KCNH7: variants seen among roughly 807,000 people sequenced by gnomAD.
KCNH7 encodes the protein voltage-gated inwardly rectifying potassium channel KCNH7.
Under a neutral mutation model 120.8 loss-of-function variants are expected in KCNH7, and 49 were observed. That is an observed-to-expected ratio of 0.41 (90% CI 0.32 to 0.51). The LOEUF (loss-of-function observed/expected upper bound fraction) is 0.51, where lower values mean the gene tolerates loss of function less well. Among genes scored for constraint, KCNH7 ranks in the 20% least tolerant of loss-of-function variants. The pLI, the probability that KCNH7 is intolerant of heterozygous loss-of-function variation, is 0.38. For synonymous variants in KCNH7, 547 were observed against 516.1 expected (o/e 1.06, Z -0.81); for missense variants, 1,097 against 1,446.6 (o/e 0.76, Z 3.92).
At chr2:162,715,340 C>T (rs1214624509) in intron 2 of KCNH7, among the ~76,000 whole-genome samples, 2 of 152,234 alleles carry the variant, frequency 1.3e-5, no homozygotes, top group South Asian at 2.1e-4. Flanking sequence ...CTCACTGTCA[C>T]GAAGACAGTA....
chr2:162,550,899 AT>A (rs1320314154), intron 2 of KCNH7, among the ~76,000 whole-genome samples: 5 of 150,976 alleles, frequency 3.3e-5, no homozygotes, highest in African/African-American at 1.2e-4. Context: ...AATAATAATA[AT>A]AATAATAATA....
intron 2 of KCNH7, among the ~76,000 whole-genome samples, chr2:162,566,629 G>T (rs1693266260): frequency 2.0e-5 from 3 of 152,022 alleles, no homozygotes. Context: ...ACCTAATAAA[G>T]ACCACATTTA....
intron 3 of KCNH7, among the ~76,000 whole-genome samples, chr2:162,520,276 A>T (rs1302870444): frequency 6.8e-6 from 1 of 146,252 alleles, no homozygotes; most frequent in Non-Finnish European, 1.5e-5. Context: ...CCAATATTCC[A>T]TTAATATCAA....
intron 12 of KCNH7, among the ~76,000 whole-genome samples, chr2:162,390,639 C>T (rs1170018111): frequency 6.6e-6 from 1 of 151,940 alleles, no homozygotes; most frequent in Non-Finnish European, 1.5e-5. Flanking sequence ...ATTCTTCCTA[C>T]AATAAACATT....
At chr2:162,791,813 C>T (rs1250057861) in intron 2 of KCNH7, among the ~76,000 whole-genome samples, 2 of 152,182 alleles carry the variant, frequency 1.3e-5, no homozygotes, top group East Asian at 1.9e-4. Flanking sequence ...ACTTCCAATG[C>T]TATGTTGAAT....
intron 5 of KCNH7, among the ~76,000 whole-genome samples, chr2:162,511,741 G>T (rs1429882010): frequency 6.6e-6 from 1 of 151,704 alleles, no homozygotes; most frequent in African/African-American, 2.4e-5. Flanking sequence ...ATACAAAATT[G>T]CACAGTGGTC....
chr2:162,565,981 C>T (rs1693236650), intron 2 of KCNH7, among the ~76,000 whole-genome samples: 1 of 151,958 alleles, frequency 6.6e-6, no homozygotes, highest in Non-Finnish European at 1.5e-5. Flanking sequence ...ACTTTGTATG[C>T]TAAATACTTA....
intron 14 of KCNH7, among the ~76,000 whole-genome samples, chr2:162,377,629 G>A (rs1284893608): frequency 6.6e-6 from 1 of 152,150 alleles, no homozygotes; most frequent in African/African-American, 2.4e-5. Flanking sequence ...TGGCTTCTGT[G>A]CAAGGTTGTG....
rs747298050 is a variant in KCNH7 at position 162,396,768 on chromosome 2, G to C, written c.2585C>G (p.Thr862Ser). 34 of 1,611,144 alleles carry C rather than the reference G, an allele frequency of 2.1e-5. No individual in the cohort carries two copies. Among genetic ancestry groups the C allele is most frequent in the Non-Finnish European group, 2.9e-5 (34 of 1,178,374 alleles). ...SDHFLTNLEL[T>S]FNLRHESAKA... ...TGCGCTCTCATGCCTTAGGTTGAAA[G>C]TCAACTCTAGGTTTGTTAGAAAGTG... The change falls in exon 11 of 16, where the codon ACT becomes AGT. Residue 862 changes from threonine (T) to serine (S), a missense_variant. Thr to Ser is a moderately conservative substitution (Grantham distance 58). This residue lies in a region of KCNH7 where 406 missense variants were observed against 410.5 expected (regional missense o/e 0.99). Transcript: ENST00000332142.
At chr2:162,574,496 G>C (rs1381408808) in intron 2 of KCNH7, among the ~76,000 whole-genome samples, 1 of 151,884 alleles carries the variant, frequency 6.6e-6, no homozygotes, top group Non-Finnish European at 1.5e-5. Flanking sequence ...TAATACAGTT[G>C]CATAAGTGCA....
chr2:162,423,967 A>G (rs779663744), intron 8 of KCNH7, among the ~76,000 whole-genome samples: 4 of 152,198 alleles, frequency 2.6e-5, no homozygotes, highest in Non-Finnish European at 4.4e-5. Flanking sequence ...ATTAGTTTTA[A>G]ATTGTGACTT....
chr2:162,737,504 T>C (rs1687957430), intron 2 of KCNH7, among the ~76,000 whole-genome samples: 1 of 152,074 alleles, frequency 6.6e-6, no homozygotes, highest in South Asian at 2.1e-4. Flanking sequence ...AGATAAAATA[T>C]AGAACTTTAG....
chr2:162,708,050 C>G (rs1391675824), intron 2 of KCNH7, among the ~76,000 whole-genome samples: 1 of 151,940 alleles, frequency 6.6e-6, no homozygotes, highest in Non-Finnish European at 1.5e-5. Flanking sequence ...CTCTTAATTT[C>G]CACAGTAAAA....
Position 162,663,515 on chromosome 2 carries a change from T to C in KCNH7, c.308-126435A>G, listed in dbSNP as rs75327677. Among the ~76,000 whole-genome samples the C allele has an allele frequency of 9.0e-3, 1,368 of 152,298 alleles. 36 individuals carry two copies. The East Asian group carries it at 0.11, about 13-fold the overall frequency. Reference sequence around the variant, plus strand: ...TCTGATTATCACTAAATTCTCCTTTTTCATGTAGTGCTGATTAGTTTGCTC... The same window carrying C: ...TCTGATTATCACTAAATTCTCCTTTCTCATGTAGTGCTGATTAGTTTGCTC... On this transcript the variant is annotated intron_variant, in intron 2 of 15. Transcript: ENST00000332142.
chr2:162,809,214 A>G (rs1684648453), intron 2 of KCNH7, among the ~76,000 whole-genome samples: 1 of 152,218 alleles, frequency 6.6e-6, no homozygotes, highest in Non-Finnish European at 1.5e-5. Context: ...CAGAAAGTTG[A>G]AGACAAAAAT....
Position 162,404,495 on chromosome 2 carries a change from G to A in KCNH7, c.2155-4054C>T, listed in dbSNP as rs538114150. 2.0e-4 allele frequency among the ~76,000 whole-genome samples: 30 copies of A among 151,954 alleles called. No individual in the cohort carries two copies. The South Asian group carries it at 5.6e-3, about 28-fold the overall frequency. ...CTGATGTGAGGTGTTTGGTCATGGGGGTTGATTCCCCATGGTTTGGTGCTG... is the reference window on the plus strand; with the variant it reads ...CTGATGTGAGGTGTTTGGTCATGGGAGTTGATTCCCCATGGTTTGGTGCTG... On this transcript the variant is annotated intron_variant, in intron 9 of 15. Coordinates refer to ENST00000332142, the MANE Select transcript of KCNH7 (RefSeq NM_033272.4).
At chr2:162,711,300 C>A (rs1339084947) in intron 2 of KCNH7, among the ~76,000 whole-genome samples, 3 of 152,194 alleles carry the variant, frequency 2.0e-5, no homozygotes, top group Non-Finnish European at 4.4e-5. Flanking sequence ...ATTTTTAGAA[C>A]TCTTTCACTG....
chr2:162,588,733 C>A (rs1023047224), intron 2 of KCNH7, among the ~76,000 whole-genome samples: 1 of 152,038 alleles, frequency 6.6e-6, no homozygotes, highest in Non-Finnish European at 1.5e-5. Flanking sequence ...ATGTTGGGAA[C>A]GTGTGATATC....
chr2:162,822,544 C>T (rs913013583), intron 2 of KCNH7, among the ~76,000 whole-genome samples: 5 of 152,004 alleles, frequency 3.3e-5, no homozygotes, highest in African/African-American at 7.3e-5. Context: ...ACTATGCTCC[C>T]TCCTTATCAT....
Sources: gnomAD v4.1 joint callset for allele counts (sites outside exome capture counted in the v4.1 genomes callset) on GRCh38, gnomAD v4.1.1 for gene constraint, gnomAD v4.1.1 regional missense constraint, MANE v1.5 for transcripts, NCBI Gene and HGNC (gene_info 2026-07-23, HGNC 2026-07-21) for gene names.